Variants in TMEM18 observed in about 807,000 individuals in gnomAD.
TMEM18 encodes transmembrane protein 18.
TMEM18 carries 14 observed loss-of-function variants against 17.4 expected under a neutral mutation model. The observed-to-expected ratio is 0.80, with a 90% CI of 0.53 to 1.25. The LOEUF is 1.25. Ranked by LOEUF, TMEM18 falls within the 50% of genes most tolerant of loss-of-function variation. The probability of loss-of-function intolerance (pLI) is 0.00; values close to 1 mark genes in which losing one functional copy is unlikely to be tolerated. For missense variants in TMEM18, 187 were observed against 172.1 expected (o/e 1.09, Z -0.48); for synonymous variants, 86 against 66.1 (o/e 1.30, Z -1.46).
At chr2:676,750 C>A (rs868400647) in intron 1 of TMEM18, 192 of 1,057,740 alleles carry the variant, frequency 1.8e-4, no homozygotes, top group Middle Eastern at 1.6e-3. Context: ...TGCCACCCCA[C>A]ACGATCAGGC....
At chr2:677,205 C>T (rs1350375106) in intron 1 of TMEM18, 84 bp downstream of exon 1, 12 of 1,524,810 alleles carry the variant, frequency 7.9e-6, no homozygotes, top group East Asian at 2.4e-5. Context: ...CCTTCTTGGC[C>T]ACAGGCCGGG....
Position 669,542 on chromosome 2 carries a change from G to T in TMEM18, c.*38C>A. On this transcript the variant is annotated 3_prime_UTR_variant, in exon 5 of 5. Coordinates refer to ENST00000281017, the MANE Select transcript of TMEM18 (RefSeq NM_152834.4). ...TGCAGCACTGGGAGCTGCACTGGGT[G>T]GACGGGAAGGACGCAAACTCCAAGC... 6.2e-7 allele frequency: 1 copy of T among 1,603,604 alleles called. No homozygotes were observed. The highest frequency in any genetic ancestry group is 8.5e-7 in the Non-Finnish European group (1 of 1,170,752).
rs993445900 is a variant in TMEM18 at position 665,864 on chromosome 2, C to G, written c.*3716G>C. 6.6e-6 allele frequency among the ~76,000 whole-genome samples: 1 copy of G among 152,180 alleles called. No individual in the cohort carries two copies. The highest frequency in any genetic ancestry group is 1.5e-5 in the Non-Finnish European group (1 of 68,036). ...CAGAGATGCAGATGCCCCACTCACT[C>G]AGATGGAGCATCAACCCCACACACA... is the stretch of plus-strand genomic sequence containing the variant. On this transcript the variant is annotated 3_prime_UTR_variant, in exon 5 of 5. Coordinates refer to ENST00000281017, the MANE Select transcript of TMEM18 (RefSeq NM_152834.4).
At chr2:675,210 C>T (rs1395618504) in intron 2 of TMEM18, among the ~76,000 whole-genome samples, 3 of 152,232 alleles carry the variant, frequency 2.0e-5, no homozygotes, top group African/African-American at 4.8e-5. Context: ...CCACCAAGGA[C>T]GCATCTTGTG....
chr2:671,298 A>G (rs950350250), intron 3 of TMEM18, among the ~76,000 whole-genome samples: 1 of 152,180 alleles, frequency 6.6e-6, no homozygotes, highest in African/African-American at 2.4e-5. Context: ...GGCTTCGGGG[A>G]GGATGACCCT....
At chr2:675,404 G>A in intron 2 of TMEM18, 106 bp downstream of exon 2, 1 of 1,515,780 alleles carries the variant, frequency 6.6e-7, no homozygotes, top group South Asian at 1.2e-5. Context: ...CAGAGGGTTG[G>A]GAGGTCTTGT....
Position 672,871 on chromosome 2 carries a change from A to G in TMEM18, c.179-9T>C. On this transcript the variant is annotated splice_polypyrimidine_tract_variant and intron_variant, in intron 2 of 4. Transcript: ENST00000281017. ...ACAGTAGACTAAGATGACTGAAAAA[A>G]GGTACAAGTCATATTAGAATTTAGA... The G allele has an allele frequency of 6.6e-7, 1 of 1,509,170 alleles. No homozygotes were observed. Among genetic ancestry groups the G allele is most frequent in the South Asian group, 1.4e-5 (1 of 72,150 alleles). The allele number at this position is 1,509,170 out of a possible 1,614,324, so 93.5% of individuals were successfully genotyped here. A position where few individuals can be genotyped will look rare whatever the true frequency, so the allele number is the denominator to read the frequency against.
chr2:676,093 C>T lies in TMEM18; in HGVS notation c.58-463G>A, dbSNP rs752822495. 3.8e-6 allele frequency: 5 copies of T among 1,321,946 alleles called. No individual in the cohort carries two copies. The African/African-American group carries it at 7.5e-5, about 20-fold the overall frequency. The allele number at this position is 1,321,946 out of a possible 1,614,324, so 81.9% of individuals were successfully genotyped here. On this transcript the variant is annotated intron_variant, in intron 1 of 4. Transcript: ENST00000281017. ...AAAACATGAATCATCATTTCAGACT[C>T]CTTAGTCAGCACTGAAGACCTCAGG... is the stretch of plus-strand genomic sequence containing the variant.
intron 1 of TMEM18, 131 bp downstream of exon 1, chr2:677,158 C>A: frequency 8.4e-7 from 1 of 1,196,938 alleles, no homozygotes; most frequent in Non-Finnish European, 1.2e-6. Context: ...CTGCCCAGCG[C>A]GCGCGCTCCG....
intron 1 of TMEM18, chr2:676,543 C>G: frequency 6.5e-7 from 1 of 1,549,204 alleles, no homozygotes; most frequent in Non-Finnish European, 8.7e-7. Flanking sequence ...CATAAGGACA[C>G]AAGCGCATCT....
intron 2 of TMEM18, 150 bp downstream of exon 2, chr2:675,360 G>T: frequency 8.5e-7 from 1 of 1,176,394 alleles, no homozygotes; most frequent in Non-Finnish European, 1.2e-6. Flanking sequence ...TTCCAAGAGT[G>T]AAAAACGGGA....
intron 2 of TMEM18, among the ~76,000 whole-genome samples, chr2:674,609 C>T (rs748883465): frequency 2.0e-5 from 3 of 152,238 alleles, no homozygotes; most frequent in Non-Finnish European, 4.4e-5. Context: ...TTGCTCTGAG[C>T]GCCTCACTTG....
rs752591795 is a variant in TMEM18, at chr2:677,320, G to A, written c.26C>T (p.Ser9Phe). The A allele has an allele frequency of 3.1e-6, 5 of 1,612,496 alleles. No individual in the cohort carries two copies. Among genetic ancestry groups the A allele is most frequent in the Non-Finnish European group, 4.2e-6 (5 of 1,179,822 alleles). ...CACGGCTGGGATGCTGACGGGGAAA[G>A]AGCTGACAGAGAAGGCGGACGGCAT... is the stretch of plus-strand genomic sequence containing the variant. The part of the protein sequence containing the change: MPSAFSVS[S>F]FPVSIPAVLT... The change falls in exon 1 of 5, where the codon TCT becomes TTT. Residue 9 changes from serine to phenylalanine, a missense_variant. Transcript: ENST00000281017.
rs1035610158 is a variant in TMEM18 at position 672,495 on chromosome 2, G to A, written c.233+313C>T. 6.6e-5 allele frequency among the ~76,000 whole-genome samples: 10 copies of A among 152,208 alleles called. No homozygotes were observed. In the South Asian group the frequency reaches 8.3e-4, roughly 13 times the overall value. On this transcript the variant is annotated intron_variant, in intron 3 of 4. Transcript: ENST00000281017. ...GGGGGAGGGCATGGCTGAGGCCAGCGCGGACCACGTTCTCTAAAATGCTGC... is the reference window on the plus strand; with the variant it reads ...GGGGGAGGGCATGGCTGAGGCCAGCACGGACCACGTTCTCTAAAATGCTGC...
chr2:677,026 G>GA (rs1472689061), intron 1 of TMEM18, among the ~76,000 whole-genome samples: 3 of 139,992 alleles, frequency 2.1e-5, no homozygotes, highest in Admixed American at 1.4e-4. Flanking sequence ...AACGGCCCAG[G>GA]ACCCCGCCTA....
chr2:666,251 A>G lies in TMEM18; in HGVS notation c.*3329T>C, dbSNP rs1678686628. ...CTTACAGAGCAGACCCTATGGCCAC[A>G]TGCTTGGACTTAGGCCTCTGCTTGG... On this transcript the variant is annotated 3_prime_UTR_variant, in exon 5 of 5. Coordinates refer to ENST00000281017, the MANE Select transcript of TMEM18 (RefSeq NM_152834.4). Among the ~76,000 whole-genome samples the G allele has an allele frequency of 6.6e-6, 1 of 152,202 alleles. No homozygotes were observed. Among genetic ancestry groups the G allele is most frequent in the African/African-American group, 2.4e-5 (1 of 41,456 alleles).
rs939769968 is a variant in TMEM18, at chr2:669,087, C to T, written c.*493G>A. 2.6e-5 allele frequency: 4 copies of T among 154,652 alleles called. No individual in the cohort carries two copies. The highest frequency in any genetic ancestry group is 9.6e-5 in the African/African-American group (4 of 41,476). 9.6% of individuals were successfully genotyped at this position (154,652 alleles called of 1,614,324 possible). Reference sequence around the variant, plus strand: ...CAGGAGAAGCCAGGAGCACCACCCCCTCCAGTGACAACCAGGTGTCTCCAA... The same window carrying T: ...CAGGAGAAGCCAGGAGCACCACCCCTTCCAGTGACAACCAGGTGTCTCCAA... On this transcript the variant is annotated 3_prime_UTR_variant, in exon 5 of 5. Transcript: ENST00000281017.
chr2:675,458 G>T (rs1174531961), intron 2 of TMEM18, 52 bp downstream of exon 2: 9 of 1,612,560 alleles, frequency 5.6e-6, no homozygotes, highest in Non-Finnish European at 6.8e-6. Context: ...AACATACACA[G>T]TTTCATTTCA....
In TMEM18 at chr2:669,047, T is replaced by C. The variant is rs1678765747; in HGVS notation, c.*533A>G. On this transcript the variant is annotated 3_prime_UTR_variant, in exon 5 of 5. Transcript: ENST00000281017. The stretch of plus-strand genomic sequence containing the variant: ...ACCCAGGCACACAGGATTTTATGCA[T>C]CACCCCGGGCTCCACAGGAGAAGCC... 1 of 152,780 alleles carries C rather than the reference T, an allele frequency of 6.5e-6. No homozygotes were observed. The highest frequency in any genetic ancestry group is 6.5e-5 in the Admixed American group (1 of 15,328). The allele number at this position is 152,780 out of a possible 1,614,324, so 9.5% of individuals were successfully genotyped here. A position where few individuals can be genotyped will look rare whatever the true frequency, so the allele number is the denominator to read the frequency against.
Sources: allele counts gnomAD v4.1 joint callset (sites outside exome capture counted in the v4.1 genomes callset), GRCh38; gene constraint gnomAD v4.1.1; transcripts MANE v1.5; gene names NCBI Gene and HGNC (gene_info 2026-07-23, HGNC 2026-07-21).